GALNT13: variants seen among roughly 807,000 people sequenced by gnomAD.
The protein encoded by GALNT13 is UDP-GalNAc:polypeptide N-acetylgalactosaminyltransferase 13.
GALNT13 carries 28 observed loss-of-function variants against 64.2 expected under a neutral mutation model. That is an observed-to-expected ratio of 0.44 (90% CI 0.32 to 0.60). GALNT13 has a LOEUF of 0.60. GALNT13 is among the 20% of genes least tolerant of loss of function. The pLI is 0.05. For synonymous variants in GALNT13, 214 were observed against 224.6 expected (o/e 0.95, Z 0.42); for missense variants, 577 against 669.8 (o/e 0.86, Z 1.53).
intron 4 of GALNT13, among the ~76,000 whole-genome samples, chr2:154,162,062 T>A (rs1573781664): frequency 6.6e-6 from 1 of 152,210 alleles, no homozygotes; most frequent in Non-Finnish European, 1.5e-5. Flanking sequence ...ATTACAGGCT[T>A]GAGCCACCGT....
chr2:153,358,708 A>G, the GALNT13 span, among the ~76,000 whole-genome samples: 1 of 152,154 alleles, frequency 6.6e-6, no homozygotes, highest in African/African-American at 2.4e-5. Flanking sequence ...TTATAAATAT[A>G]TATAAAACTA....
At chr2:154,072,103 A>G (rs1214155276) in intron 3 of GALNT13, among the ~76,000 whole-genome samples, 1 of 152,126 alleles carries the variant, frequency 6.6e-6, no homozygotes, top group Non-Finnish European at 1.5e-5. Flanking sequence ...CATCTGTACC[A>G]CATGATAAAA....
intron 9 of GALNT13, among the ~76,000 whole-genome samples, chr2:154,373,377 T>G (rs1181423416): frequency 6.6e-6 from 1 of 152,170 alleles, no homozygotes; most frequent in Non-Finnish European, 1.5e-5. Flanking sequence ...ACCAGAATTT[T>G]CTGTTTCCTT....
chr2:154,354,211 T>A (rs958025554), intron 9 of GALNT13, among the ~76,000 whole-genome samples: 2 of 152,148 alleles, frequency 1.3e-5, no homozygotes, highest in Admixed American at 6.6e-5. Flanking sequence ...TTTGGAGAAA[T>A]TTCTGTTCAG....
the GALNT13 span, among the ~76,000 whole-genome samples, chr2:153,552,832 T>G: frequency 6.6e-6 from 1 of 152,084 alleles, no homozygotes; most frequent in Non-Finnish European, 1.5e-5. Flanking sequence ...CATTAGATTC[T>G]CATAAGGAGT....
At chr2:153,089,559 CAAAT>C in the GALNT13 span, among the ~76,000 whole-genome samples, 4 of 152,090 alleles carry the variant, frequency 2.6e-5, no homozygotes, top group Admixed American at 2.6e-4. Context: ...ATCATTCCCT[CAAAT>C]AAATTTTCCT....
At chr2:153,090,392 A>G in the GALNT13 span, among the ~76,000 whole-genome samples, 1 of 152,126 alleles carries the variant, frequency 6.6e-6, no homozygotes, top group African/African-American at 2.4e-5. Flanking sequence ...TTGGTTTTAG[A>G]TATGTTTAGC....
the GALNT13 span, among the ~76,000 whole-genome samples, chr2:153,084,253 T>G: frequency 1.3e-5 from 2 of 152,114 alleles, no homozygotes; most frequent in East Asian, 1.9e-4. Context: ...TTTAGGATAG[T>G]TTTTTCTAGT....
At position 154,012,311 on chromosome 2, in the gene GALNT13, C is replaced by G. The variant is rs997083034; in HGVS notation, c.142+67672C>G. Among the ~76,000 whole-genome samples the G allele has an allele frequency of 5.3e-5, 8 of 149,750 alleles. No individual in the cohort carries two copies. The Admixed American group carries it at 5.3e-4, about 10-fold the overall frequency. On this transcript the variant is annotated intron_variant, in intron 3 of 12. Coordinates refer to ENST00000392825, the MANE Select transcript of GALNT13 (RefSeq NM_052917.4). ...TGCTTGTCTGAAAAGAATTTTATTT[C>G]TCCTTCATTTATGAGGCTTAGTGTG...
At chr2:154,009,658 T>G (rs931233765) in intron 3 of GALNT13, among the ~76,000 whole-genome samples, 9 of 152,028 alleles carry the variant, frequency 5.9e-5, no homozygotes, top group African/African-American at 2.2e-4. Context: ...ACTGCCTAAT[T>G]TTTATAGTTT....
the GALNT13 span, among the ~76,000 whole-genome samples, chr2:153,526,679 C>T: frequency 1.3e-5 from 2 of 152,230 alleles, no homozygotes; most frequent in South Asian, 4.2e-4. Context: ...TCCAGAAAAA[C>T]ATGGCCTCAC....
chr2:154,454,200 G>C (rs1175358800), downstream of GALNT13, among the ~76,000 whole-genome samples: 1 of 152,018 alleles, frequency 6.6e-6, no homozygotes, highest in Non-Finnish European at 1.5e-5. Flanking sequence ...CCTTGTCTTA[G>C]TTTCTCTGTT....
intron 11 of GALNT13, among the ~76,000 whole-genome samples, chr2:154,426,588 T>A (rs1350723077): frequency 6.6e-6 from 1 of 152,222 alleles, no homozygotes; most frequent in Admixed American, 6.5e-5. Flanking sequence ...AGCTTAAATT[T>A]GCAATTTATA....
chr2:153,633,703 A>C, the GALNT13 span, among the ~76,000 whole-genome samples: 2 of 152,170 alleles, frequency 1.3e-5, no homozygotes, highest in African/African-American at 4.8e-5. Flanking sequence ...TCTATTTCCA[A>C]GGATAGTCTT....
chr2:153,961,123 A>G (rs1692916042), intron 3 of GALNT13, among the ~76,000 whole-genome samples: 1 of 152,240 alleles, frequency 6.6e-6, no homozygotes, highest in Non-Finnish European at 1.5e-5. Context: ...TTACTCATGT[A>G]GTATAAGTTG....
chr2:154,162,637 A>G (rs754301372), intron 4 of GALNT13, among the ~76,000 whole-genome samples: 5 of 152,198 alleles, frequency 3.3e-5, no homozygotes, highest in South Asian at 2.1e-4. Flanking sequence ...TTGTTTTTAT[A>G]TATGCATTAT....
the GALNT13 span, among the ~76,000 whole-genome samples, chr2:153,215,246 G>T: frequency 0.14 from 21,691 of 151,962 alleles, 1,766 homozygotes; most frequent in Non-Finnish European, 0.18. Context: ...AACCCCTAAA[G>T]AAGTAGTCAC....
chr2:153,140,869 A>T, the GALNT13 span, among the ~76,000 whole-genome samples: 3 of 152,190 alleles, frequency 2.0e-5, no homozygotes, highest in Non-Finnish European at 4.4e-5. Flanking sequence ...AATTGTTTAA[A>T]ATGGCCTGAA....
the GALNT13 span, among the ~76,000 whole-genome samples, chr2:153,213,538 T>G: frequency 1.3e-5 from 2 of 152,200 alleles, no homozygotes; most frequent in Non-Finnish European, 2.9e-5. Flanking sequence ...TGTTATGTAC[T>G]TATTACACCA....
Sources: allele counts gnomAD v4.1 joint callset (sites outside exome capture counted in the v4.1 genomes callset), GRCh38; gene constraint gnomAD v4.1.1; transcripts MANE v1.5; gene names NCBI Gene and HGNC (gene_info 2026-07-23, HGNC 2026-07-21).